Variants in CALN1 observed in about 807,000 individuals in gnomAD.
The protein encoded by CALN1 is calcium-binding protein 8.
A neutral mutation model predicts 30.6 loss-of-function variants in CALN1; 17 were observed. The observed-to-expected ratio is 0.56, with a 90% confidence interval of 0.38 to 0.83. CALN1 has a LOEUF of 0.83. Among genes scored for constraint, CALN1 ranks in the 40% least tolerant of loss-of-function variants. The pLI is 0.00. For missense variants in CALN1, 291 were observed against 354.9 expected, an observed-to-expected ratio of 0.82 and a Z score of 1.45; for synonymous variants, 156 against 131.4, an observed-to-expected ratio of 1.19 and a Z score of -1.28.
intron 3 of CALN1, among the ~76,000 whole-genome samples, chr7:72,226,184 G>T (rs1040058843): frequency 4.0e-5 from 6 of 151,798 alleles, no homozygotes; most frequent in African/African-American, 1.4e-4. Flanking sequence ...GATGGAGGTT[G>T]CAGTGAGCTA....
At position 71,925,760 on chromosome 7, in the gene CALN1, C is replaced by G. The variant is rs145383567; in HGVS notation, c.501+97897G>C. On this transcript the variant is annotated intron_variant, in intron 5 of 6. Coordinates refer to ENST00000395275, the MANE Select transcript of CALN1 (RefSeq NM_031468.4). ...TTGAGCATTTCTCCTTTAAAGTCAG[C>G]AGGATGTTGAGCTTTCTCGGTAGAG... is the stretch of plus-strand genomic sequence containing the variant. Among the ~76,000 whole-genome samples, 549 of 152,074 alleles carry G rather than the reference C, an allele frequency of 3.6e-3. 5 individuals carry two copies. Among genetic ancestry groups the G allele is most frequent in the African/African-American group, 0.012 (513 of 41,496 alleles).
intron 1 of CALN1, among the ~76,000 whole-genome samples, chr7:72,408,193 G>A (rs1445017144): frequency 1.3e-5 from 2 of 151,636 alleles, no homozygotes; most frequent in Non-Finnish European, 2.9e-5. Flanking sequence ...AGCACTTTGG[G>A]AGGCCAAGGG....
chr7:72,196,285 CTT>C (rs1790995210), intron 3 of CALN1, among the ~76,000 whole-genome samples: 1 of 152,034 alleles, frequency 6.6e-6, no homozygotes, highest in Non-Finnish European at 1.5e-5. Context: ...GCCTGGGTAA[CTT>C]TTTGTATTTT....
chr7:72,254,338 G>A (rs931384536), intron 3 of CALN1, among the ~76,000 whole-genome samples: 1 of 152,162 alleles, frequency 6.6e-6, no homozygotes, highest in Non-Finnish European at 1.5e-5. Context: ...AATTTGGGGA[G>A]AATGCAGAGA....
intron 1 of CALN1, among the ~76,000 whole-genome samples, chr7:72,427,276 A>G (rs1311695138): frequency 6.6e-6 from 1 of 151,932 alleles, no homozygotes; most frequent in Non-Finnish European, 1.5e-5. Flanking sequence ...TCACCCAGCC[A>G]CTACCCTGCC....
chr7:72,473,723 A>G, the CALN1 span, among the ~76,000 whole-genome samples: 1 of 152,102 alleles, frequency 6.6e-6, no homozygotes, highest in South Asian at 2.1e-4. Context: ...ACCTAAGGTC[A>G]GGAGTTCGAG....
intron 1 of CALN1, among the ~76,000 whole-genome samples, chr7:72,436,021 C>T (rs575921408): frequency 5.9e-5 from 9 of 151,822 alleles, no homozygotes; most frequent in African/African-American, 2.2e-4. Context: ...TATGAGATGC[C>T]CCCCAGCCTG....
intron 2 of CALN1, among the ~76,000 whole-genome samples, chr7:72,388,459 G>A (rs532785007): frequency 7.2e-5 from 11 of 152,110 alleles, no homozygotes; most frequent in Non-Finnish European, 1.2e-4. Flanking sequence ...GAGGAAATCT[G>A]CCTAAATCAT....
chr7:72,427,508 G>A (rs556813377), intron 1 of CALN1, among the ~76,000 whole-genome samples: 2 of 152,100 alleles, frequency 1.3e-5, no homozygotes, highest in African/African-American at 4.8e-5. Flanking sequence ...TAGGATGAAG[G>A]GGACCTGATT....
intron 5 of CALN1, among the ~76,000 whole-genome samples, chr7:71,845,635 G>GA (rs1489614918): frequency 2.0e-5 from 3 of 152,152 alleles, no homozygotes; most frequent in Non-Finnish European, 2.9e-5. Context: ...CATGGCTGGG[G>GA]AACTTGTTAG....
chr7:71,943,901 G>C (rs1796265104), intron 5 of CALN1, among the ~76,000 whole-genome samples: 1 of 152,158 alleles, frequency 6.6e-6, no homozygotes, highest in South Asian at 2.1e-4. Context: ...AGTGAGCATG[G>C]AGATAAAGAA....
intron 4 of CALN1, among the ~76,000 whole-genome samples, chr7:72,072,868 C>T (rs1804494445): frequency 6.6e-6 from 1 of 151,474 alleles, no homozygotes; most frequent in Non-Finnish European, 1.5e-5. Flanking sequence ...AAATATAATC[C>T]CCATGGTAAC....
intron 6 of CALN1, among the ~76,000 whole-genome samples, chr7:71,809,200 C>T (rs7790530): frequency 0.36 from 55,099 of 151,860 alleles, 10,792 homozygotes; most frequent in East Asian, 0.6. Flanking sequence ...CCTCAGAGTA[C>T]AGGCCATCTC....
intron 3 of CALN1, among the ~76,000 whole-genome samples, chr7:72,149,851 T>A (rs1787085706): frequency 6.6e-6 from 1 of 151,964 alleles, no homozygotes; most frequent in Non-Finnish European, 1.5e-5. Flanking sequence ...CCGTGGCTCA[T>A]GCCTGTAATC....
chr7:72,025,620 T>C (rs1256928311), intron 4 of CALN1, among the ~76,000 whole-genome samples: 3 of 152,260 alleles, frequency 2.0e-5, no homozygotes, highest in Admixed American at 6.5e-5. Flanking sequence ...CAAGGCATTG[T>C]TGGGTCCTCC....
chr7:72,483,805 G>T, the CALN1 span, among the ~76,000 whole-genome samples: 1 of 150,960 alleles, frequency 6.6e-6, no homozygotes, highest in African/African-American at 2.4e-5. Context: ...CTTTTCTCTC[G>T]GTGGTTCATT....
chr7:72,384,560 G>C (rs1178232231), intron 2 of CALN1, among the ~76,000 whole-genome samples: 1 of 151,998 alleles, frequency 6.6e-6, no homozygotes, highest in East Asian at 1.9e-4. Flanking sequence ...CTTGAGCCTG[G>C]GAGTTCAAAG....
intron 3 of CALN1, among the ~76,000 whole-genome samples, chr7:72,210,303 G>C (rs1792301215): frequency 6.6e-6 from 1 of 152,090 alleles, no homozygotes; most frequent in African/African-American, 2.4e-5. Context: ...CATCCCTCGG[G>C]AGTGTTGGTG....
chr7:72,199,882 T>C lies in CALN1; in HGVS notation c.244+78804A>G, dbSNP rs75967458. ...CACAACTGAGCCAACGGTCAAACTA[T>C]AGCCTAACTCTAGATGGAATCCCTA... On this transcript the variant is annotated intron_variant, in intron 3 of 6. Transcript: ENST00000395275. Among the ~76,000 whole-genome samples the C allele has an allele frequency of 3.1e-3, 468 of 152,112 alleles. 2 individuals carry two copies. Among genetic ancestry groups the C allele is most frequent in the African/African-American group, 0.011 (458 of 41,530 alleles).
Sources: allele counts gnomAD v4.1 joint callset (sites outside exome capture counted in the v4.1 genomes callset), GRCh38; gene constraint gnomAD v4.1.1; transcripts MANE v1.5; gene names NCBI Gene and HGNC (gene_info 2026-07-23, HGNC 2026-07-21).